The following CEP131 variants were observed in gnomAD, a reference collection of about 807,000 sequenced individuals.
CEP131 encodes centrosomal protein of 131 kDa.
CEP131 carries 99 observed loss-of-function variants against 136.8 expected under a neutral mutation model. The ratio of observed to expected loss-of-function variants is 0.72; its 90% CI spans 0.62 to 0.86. The LOEUF (loss-of-function observed/expected upper bound fraction) is 0.86, where lower values mean the gene tolerates loss of function less well. Ranked by LOEUF, CEP131 falls within the 40% of genes least tolerant of loss-of-function variation. The probability of loss-of-function intolerance (pLI) is 0.00; values close to 1 mark genes in which losing one functional copy is unlikely to be tolerated. For synonymous variants in CEP131, 646 were observed against 612.7 expected (o/e 1.05, Z -0.80); for missense variants, 1,459 against 1,463.0 (o/e 1.00, Z 0.04).
chr17:81,198,150 TCCTGGGGCGGGG>T lies in CEP131; in HGVS notation c.1423_1434del (p.Pro475_Arg478del). 3.2e-6 allele frequency: 5 copies of T among 1,575,124 alleles called. No individual in the cohort carries two copies. The East Asian group carries it at 1.2e-4, about 37-fold the overall frequency. On this transcript the variant is annotated inframe_deletion, in exon 12 of 26. Coordinates refer to ENST00000450824, the MANE Select transcript of CEP131 (RefSeq NM_014984.4). ...CAGGCGTATCTGCCCCTGTGATGGG[TCCTGGGGCGGGG>T]CAGCACGTCCGGCTCCTTCTCCAGC... is the stretch of plus-strand genomic sequence containing the variant.
intron 13 of CEP131, 107 bp downstream of exon 13, chr17:81,197,605 G>A (rs1212078846): frequency 6.9e-7 from 1 of 1,445,040 alleles, no homozygotes; most frequent in Non-Finnish European, 9.1e-7. Context: ...CCTCCCCCTG[G>A]GGGCCAGGTG....
chr17:81,190,727 C>A lies in CEP131; in HGVS notation c.3019G>T (p.Ala1007Ser). ...GCCTGCCGCGTCTCCTCCTCAGAGGCTGCCAGCCGGTCCTCGAACTCCTGG... is the reference window on the plus strand; with the variant it reads ...GCCTGCCGCGTCTCCTCCTCAGAGGATGCCAGCCGGTCCTCGAACTCCTGG... ...IRQEFEDRLA[A>S]SEEETRQAKA... The change falls in exon 24 of 26, where the codon GCC becomes TCC. Residue 1007 changes from alanine (A) to serine (S), a missense_variant. By Grantham distance (99) the Ala-to-Ser change is moderately conservative. This residue lies in a region of CEP131 where 1,026 missense variants were observed against 964.2 expected (regional missense o/e 1.06). Transcript: ENST00000450824. 1 of 1,610,936 alleles carries A rather than the reference C, an allele frequency of 6.2e-7. No homozygotes were observed. Among genetic ancestry groups the A allele is most frequent in the Non-Finnish European group, 8.5e-7 (1 of 1,179,352 alleles).
In CEP131 at chr17:81,197,571, C is replaced by T. The variant is rs576785554; in HGVS notation, c.1647+141G>A. ...TGAGGGACCACCTCCTGCTGGGGGC[C>T]GGGTGGGGGCTGGCGAGAGACCTCC... On this transcript the variant is annotated intron_variant, in intron 13 of 25. Transcript: ENST00000450824. 2.4e-3 allele frequency: 3,014 copies of T among 1,269,404 alleles called. 10 individuals carry two copies. Among genetic ancestry groups the T allele is most frequent in the African/African-American group, 2.8e-3 (178 of 63,054 alleles). 78.6% of individuals were successfully genotyped at this position (1,269,404 alleles called of 1,614,324 possible).
intron 2 of CEP131, among the ~76,000 whole-genome samples, chr17:81,211,804 G>A (rs2062136366): frequency 6.6e-6 from 1 of 152,024 alleles, no homozygotes; most frequent in African/African-American, 2.4e-5. Context: ...GTGGTGGCAT[G>A]CACCTACAGT....
At chr17:81,200,290 C>G (rs1037519807) in intron 8 of CEP131, 39 bp downstream of exon 8, 8 of 1,525,236 alleles carry the variant, frequency 5.2e-6, no homozygotes, top group Non-Finnish European at 7.2e-6. Context: ...GGCCAGACCC[C>G]CCGGGGGAGC....
chr17:81,191,271 T>C lies in CEP131; in HGVS notation c.2687A>G (p.Glu896Gly). 2 of 1,613,492 alleles carry C rather than the reference T, an allele frequency of 1.2e-6. No homozygotes were observed. Among genetic ancestry groups the C allele is most frequent in the Non-Finnish European group, 1.7e-6 (2 of 1,179,948 alleles). The change falls in exon 22 of 26, where the codon GAG (glutamate) becomes GGG (glycine). Residue 896 changes from glutamate to glycine, a missense_variant. Around this residue, in one of 3 missense-constraint regions of CEP131, gnomAD observed 1,026 missense variants for 964.2 expected, o/e 1.06. Coordinates refer to ENST00000450824, the MANE Select transcript of CEP131 (RefSeq NM_014984.4). ...CAGCCGGTGAATGACCAGCTCAATC[T>C]CCTTGTCCCGGCCTTTCCGGATTTC... is the stretch of plus-strand genomic sequence containing the variant. ...REEIRKGRDKEIELVIHRLEA... is the reference protein window; with the variant it reads ...REEIRKGRDKGIELVIHRLEA...
In CEP131 at chr17:81,203,850, C is replaced by A. The variant is rs2061947962; in HGVS notation, c.516-243G>T. 1 of 510,694 alleles carries A rather than the reference C, an allele frequency of 2.0e-6. No homozygotes were observed. Among genetic ancestry groups the A allele is most frequent in the Non-Finnish European group, 3.5e-6 (1 of 284,334 alleles). The allele number at this position is 510,694 out of a possible 1,614,324, so 31.6% of individuals were successfully genotyped here. On this transcript the variant is annotated intron_variant, in intron 5 of 25. Coordinates refer to ENST00000450824, the MANE Select transcript of CEP131 (RefSeq NM_014984.4). This position sits in a 1 kb window ranked among gnomAD's most constrained non-coding sequence, Gnocchi z 4.6. The stretch of plus-strand genomic sequence containing the variant: ...CACGGGGCAGGGGATAGAATCGAGG[C>A]ATGAACGCTGGACGTGCCCAAGACG...
chr17:81,191,967 AG>A (rs943176564), intron 21 of CEP131, among the ~76,000 whole-genome samples: 3 of 152,056 alleles, frequency 2.0e-5, no homozygotes, highest in Admixed American at 1.3e-4. Flanking sequence ...CCAGAGGCTA[AG>A]GGGGGAGCCC....
At position 81,193,948 on chromosome 17, in the gene CEP131, C is replaced by T. The variant is rs1247684916; in HGVS notation, c.2299G>A (p.Glu767Lys). The part of the protein sequence containing the change: ...EREKEALGQQ[E>K]RERARQRFQQ... ...CACCGCTGCCGAGCACGTTCGCGCT[C>T]CTGCTGGCCCAGCGCCTCCTTCTCC... Residue 767 changes from glutamate to lysine, a missense_variant, in exon 18 of 26, where the codon GAG becomes AAG. Transcript: ENST00000450824. The T allele has an allele frequency of 1.3e-6, 2 of 1,540,922 alleles. No individual in the cohort carries two copies. The highest frequency in any genetic ancestry group is 4.9e-5 in the East Asian group (2 of 41,112).
intron 2 of CEP131, among the ~76,000 whole-genome samples, chr17:81,218,081 C>T (rs1254863685): frequency 7.1e-6 from 1 of 141,186 alleles, no homozygotes; most frequent in East Asian, 2.2e-4. Context: ...CTTGCTCTTT[C>T]GCCCAGGCTG....
chr17:81,222,911 G>T lies in CEP131; in HGVS notation c.-160C>A, dbSNP rs776508993. On this transcript the variant is annotated 5_prime_UTR_variant, in exon 1 of 26. Coordinates refer to ENST00000450824, the MANE Select transcript of CEP131 (RefSeq NM_014984.4). ...GCCCCGCCACCCCCAACACTGCCCC[G>T]AGGCCCGGTGACAATGAAGCGGCCG... is the stretch of plus-strand genomic sequence containing the variant. 6.6e-6 allele frequency: 1 copy of T among 152,302 alleles called. No homozygotes were observed. Among genetic ancestry groups the T allele is most frequent in the African/African-American group, 2.4e-5 (1 of 41,464 alleles). The allele number at this position is 152,302 out of a possible 1,614,324, so 9.4% of individuals were successfully genotyped here.
At chr17:81,192,695 G>T in intron 19 of CEP131, 41 bp downstream of exon 19, 1 of 1,447,026 alleles carries the variant, frequency 6.9e-7, no homozygotes, top group Non-Finnish European at 9.4e-7. Context: ...GTCAGCCAGC[G>T]AGGGGTCCCT....
At chr17:81,198,330 G>C in intron 11 of CEP131, 33 bp from the exon 12 acceptor site, 2 of 1,542,442 alleles carry the variant, frequency 1.3e-6, no homozygotes, top group Non-Finnish European at 1.8e-6. Flanking sequence ...ATGCAGCAAG[G>C]CTGCTGGTAG....
In CEP131 at chr17:81,194,022, G is replaced by A. The variant is rs778665873; in HGVS notation, c.2225C>T (p.Ser742Leu). 27 of 1,573,180 alleles carry A rather than the reference G, an allele frequency of 1.7e-5. No homozygotes were observed. The highest frequency in any genetic ancestry group is 9.2e-5 in the East Asian group (4 of 43,340). The change falls in exon 18 of 26, where the codon TCG becomes TTG. Residue 742 changes from serine (S) to leucine (L), a missense_variant. Ser to Leu is a moderately radical substitution (Grantham distance 145). This residue lies in a region of CEP131 where 1,026 missense variants were observed against 964.2 expected (regional missense o/e 1.06). Transcript: ENST00000450824. ...CTCGGCCTGGCGCAGGCAGCGCTGC[G>A]AGGCCCGCTCATCCGACTGCAGCAG... ...AELLQSDERA[S>L]QRCLRQAEEL...
At chr17:81,196,058 C>T (rs1311343367) in intron 15 of CEP131, 107 bp from the exon 16 acceptor site, 3 of 879,658 alleles carry the variant, frequency 3.4e-6, no homozygotes, top group Admixed American at 2.3e-5. Flanking sequence ...AGCAGCCCTC[C>T]CCTGGGGCTG....
rs757455439 is a variant in CEP131, at chr17:81,190,796, C to T, written c.2950G>A (p.Glu984Lys). The change falls in exon 24 of 26, where the codon GAG becomes AAG. Residue 984 changes from glutamate (E) to lysine (K), a missense_variant. Glu to Lys is a moderately conservative substitution (Grantham distance 56, BLOSUM62 1). Around this residue, in one of 3 missense-constraint regions of CEP131, gnomAD observed 1,026 missense variants for 964.2 expected, o/e 1.06. Transcript: ENST00000450824. Reference sequence around the variant, plus strand: ...TTGCTGCGCTCGCTAGAAAGCTGCTCGTTCACCTGGGTGGGCACAGAAGGC... The same window carrying T: ...TTGCTGCGCTCGCTAGAAAGCTGCTTGTTCACCTGGGTGGGCACAGAAGGC... ...RALEDAQAVNEQLSSERSNLA... is the reference protein window; with the variant it reads ...RALEDAQAVNKQLSSERSNLA... The T allele has an allele frequency of 1.6e-5, 26 of 1,607,454 alleles. No individual in the cohort carries two copies. Among genetic ancestry groups the T allele is most frequent in the East Asian group, 6.7e-5 (3 of 44,782 alleles).
intron 2 of CEP131, among the ~76,000 whole-genome samples, chr17:81,217,434 C>A (rs1014323582): frequency 6.6e-6 from 1 of 151,974 alleles, no homozygotes; most frequent in Admixed American, 6.6e-5. Flanking sequence ...AAGAGAATCA[C>A]GTGCCGCCTT....
chr17:81,199,936 C>A (rs1029530821), intron 8 of CEP131, 101 bp from the exon 9 acceptor site: 1 of 1,199,746 alleles, frequency 8.3e-7, no homozygotes, highest in South Asian at 1.2e-5. Flanking sequence ...CCCTAGAGTT[C>A]GTGGAATCTC....
chr17:81,195,080 C>T (rs1160672513), intron 16 of CEP131, 108 bp from the exon 17 acceptor site: 9 of 815,340 alleles, frequency 1.1e-5, no homozygotes, highest in East Asian at 2.5e-5. Context: ...AGCACAAGGC[C>T]GGCACTCATG....
Sources: allele counts gnomAD v4.1 joint callset (sites outside exome capture counted in the v4.1 genomes callset), GRCh38; gene constraint gnomAD v4.1.1; regional missense constraint gnomAD v4.1.1; non-coding constraint Gnocchi (gnomAD v3.1); transcripts MANE v1.5; gene names NCBI Gene and HGNC (gene_info 2026-07-23, HGNC 2026-07-21).